The following IREB2 variants were observed in gnomAD, a reference collection of about 807,000 sequenced individuals.
The protein encoded by IREB2 is iron responsive element binding protein 2.
A neutral mutation model predicts 118.8 loss-of-function variants in IREB2; 39 were observed. The observed-to-expected ratio is 0.33, with a 90% confidence interval of 0.25 to 0.43. The LOEUF (loss-of-function observed/expected upper bound fraction) is 0.43, where lower values mean the gene tolerates loss of function less well. Among genes scored for constraint, IREB2 ranks in the 20% least tolerant of loss-of-function variants. The pLI, the probability that IREB2 is intolerant of heterozygous loss-of-function variation, is 1.00. For synonymous variants in IREB2, 372 were observed against 392.2 expected (o/e 0.95, Z 0.61); for missense variants, 900 against 1,147.3 (o/e 0.78, Z 3.11).
chr15:78,470,324 A>G (rs1436868292), intron 5 of IREB2, among the ~76,000 whole-genome samples: 2 of 152,210 alleles, frequency 1.3e-5, no homozygotes, highest in African/African-American at 2.4e-5. Context: ...GTAAAATACA[A>G]CTCACTTTTG....
chr15:78,466,405 A>C lies in IREB2; in HGVS notation c.545A>C (p.Glu182Ala). 6.2e-7 allele frequency: 1 copy of C among 1,614,160 alleles called. No homozygotes were observed. Among genetic ancestry groups the C allele is most frequent in the East Asian group, 2.2e-5 (1 of 44,882 alleles). The change falls in exon 5 of 22, where the codon GAA becomes GCA. Residue 182 changes from glutamate to alanine, a missense_variant. Transcript: ENST00000258886. ...TGCCGAGGATCTTGTGATTCTGGAG[A>C]ACTAGGCCGAAACTCAGGAACATTT... ...TTCRGSCDSG[E>A]LGRNSGTFSS...
At chr15:78,448,062 G>GA (rs1315554795) in intron 2 of IREB2, among the ~76,000 whole-genome samples, 2 of 152,194 alleles carry the variant, frequency 1.3e-5, no homozygotes, top group African/African-American at 2.4e-5. Flanking sequence ...CAGTACAGGT[G>GA]AAAAAACAAA....
chr15:78,445,974 A>G (rs1270668260), intron 2 of IREB2, among the ~76,000 whole-genome samples: 2 of 152,162 alleles, frequency 1.3e-5, no homozygotes, highest in Admixed American at 6.5e-5. Flanking sequence ...TTGTAGAGAC[A>G]GGGTCTCCCT....
chr15:78,483,019 G>A (rs914220577), intron 10 of IREB2, among the ~76,000 whole-genome samples: 13 of 152,102 alleles, frequency 8.5e-5, no homozygotes, highest in African/African-American at 3.1e-4. Context: ...GATTACAGGT[G>A]TGAGCCACCG....
chr15:78,462,805 G>A (rs2051218387), intron 2 of IREB2, 117 bp from the exon 3 acceptor site: 1 of 728,434 alleles, frequency 1.4e-6, no homozygotes, highest in Non-Finnish European at 2.2e-6. Context: ...AAAATGAATT[G>A]TTTAAATTGA....
rs2051890453 is a variant in IREB2 at position 78,498,964 on chromosome 15, T to TA, written c.*823dup. 1 of 152,232 alleles carries TA rather than the reference T, an allele frequency of 6.6e-6. No homozygotes were observed. Among genetic ancestry groups the TA allele is most frequent in the African/African-American group, 2.4e-5 (1 of 41,458 alleles). The allele number at this position is 152,232 out of a possible 1,614,324, so 9.4% of individuals were successfully genotyped here. ...TGTAATACTGTAACTTCCTATAACC[T>TA]AATATTTTCGGTATCATTAACCAAA... is the stretch of plus-strand genomic sequence containing the variant. On this transcript the variant is annotated 3_prime_UTR_variant, in exon 22 of 22. Coordinates refer to ENST00000258886, the MANE Select transcript of IREB2 (RefSeq NM_004136.4).
intron 10 of IREB2, 139 bp from the exon 11 acceptor site, chr15:78,483,179 G>T (rs1019632389): frequency 1.9e-6 from 1 of 516,100 alleles, no homozygotes. Context: ...GGGGTTGAGG[G>T]TGTATTATAC....
chr15:78,483,136 T>A (rs1156466777), intron 10 of IREB2, among the ~76,000 whole-genome samples, 182 bp from the exon 11 acceptor site: 1 of 152,214 alleles, frequency 6.6e-6, no homozygotes, highest in Non-Finnish European at 1.5e-5. Flanking sequence ...TTTCGTACAT[T>A]TAAATGTGCT....
Position 78,462,992 on chromosome 15 carries a change from G to T in IREB2, c.177G>T (p.Lys59Asn), listed in dbSNP as rs772952970. Residue 59 changes from lysine to asparagine, a missense_variant, in exon 3 of 22, where the codon AAG (lysine) becomes AAT (asparagine). Physicochemically the swap from Lys to Asn is moderately conservative, Grantham distance 94. Coordinates refer to ENST00000258886, the MANE Select transcript of IREB2 (RefSeq NM_004136.4). ...AVRNCDGFLMKKEDVMNILDW... is the reference protein window; with the variant it reads ...AVRNCDGFLMNKEDVMNILDW... ...GAAATTGTGATGGCTTTTTAATGAAGAAGGAAGATGTTATGAACATTTTAG... is the reference window on the plus strand; with the variant it reads ...GAAATTGTGATGGCTTTTTAATGAATAAGGAAGATGTTATGAACATTTTAG... 8 of 1,613,480 alleles carry T rather than the reference G, an allele frequency of 5.0e-6. No individual in the cohort carries two copies. In the South Asian group the frequency reaches 8.8e-5, roughly 18 times the overall value.
In IREB2 at chr15:78,466,406, A is replaced by G. The variant is rs570981800; in HGVS notation, c.546A>G (p.Glu182=). The G allele has an allele frequency of 6.2e-7, 1 of 1,614,206 alleles. No individual in the cohort carries two copies. Among genetic ancestry groups the G allele is most frequent in the Non-Finnish European group, 8.5e-7 (1 of 1,180,026 alleles). ...GCCGAGGATCTTGTGATTCTGGAGA[A>G]CTAGGCCGAAACTCAGGAACATTTT... ...TTCRGSCDSG[E]LGRNSGTFSS... Residue 182 remains glutamate (E), a synonymous_variant, in exon 5 of 22, where the codon GAA becomes GAG. Transcript: ENST00000258886.
At chr15:78,493,484 A>G (rs1247327447) in intron 18 of IREB2, among the ~76,000 whole-genome samples, 1 of 152,244 alleles carries the variant, frequency 6.6e-6, no homozygotes, top group Admixed American at 6.5e-5. Context: ...AGATTAAAAC[A>G]CTTGAGATCA....
intron 9 of IREB2, among the ~76,000 whole-genome samples, chr15:78,477,824 G>C (rs1031380198): frequency 6.6e-6 from 1 of 152,140 alleles, no homozygotes; most frequent in Non-Finnish European, 1.5e-5. Flanking sequence ...GAGAGGCTAA[G>C]GCGGGAGAAT....
chr15:78,496,145 T>C (rs988115022), intron 20 of IREB2, among the ~76,000 whole-genome samples: 3 of 152,252 alleles, frequency 2.0e-5, no homozygotes, highest in Non-Finnish European at 4.4e-5. Flanking sequence ...CATTTTATCA[T>C]TCTGCGGTTT....
rs199519608 is a variant in IREB2 at position 78,494,146 on chromosome 15, A to T, written c.2477A>T (p.Asp826Val). 109 of 1,613,706 alleles carry T rather than the reference A, an allele frequency of 6.8e-5. No individual in the cohort carries two copies. The East Asian group carries it at 2.2e-3, about 33-fold the overall frequency. The change falls in exon 20 of 22, where the codon GAT becomes GTT. Residue 826 changes from aspartate (D) to valine (V), a missense_variant. By Grantham distance (152) the Asp-to-Val change is radical. Coordinates refer to ENST00000258886, the MANE Select transcript of IREB2 (RefSeq NM_004136.4). ...TGTGTTTGTTTTAATCTACAGCTAG[A>T]TGTATTTGAGGCTGCAGAGCTGTAC... is the stretch of plus-strand genomic sequence containing the variant. ...TIHFPSGQTL[D>V]VFEAAELYQK...
chr15:78,493,541 C>A (rs983803829), intron 18 of IREB2, among the ~76,000 whole-genome samples: 1 of 151,836 alleles, frequency 6.6e-6, no homozygotes, highest in Non-Finnish European at 1.5e-5. Flanking sequence ...TTGAACAAAC[C>A]AACTTAGTTT....
chr15:78,468,251 C>T (rs558170394), intron 5 of IREB2, among the ~76,000 whole-genome samples: 1 of 151,538 alleles, frequency 6.6e-6, no homozygotes, highest in African/African-American at 2.4e-5. Flanking sequence ...AGTAAACTGT[C>T]TTTTTTTTTG....
At chr15:78,488,502 T>C in intron 15 of IREB2, 145 bp from the exon 16 acceptor site, 1 of 957,096 alleles carries the variant, frequency 1.0e-6, no homozygotes, top group Non-Finnish European at 1.5e-6. Context: ...AAATAAAATG[T>C]ACAGGTAATT....
rs1157305772 is a variant in IREB2 at position 78,476,211 on chromosome 15, T to C, written c.1047T>C (p.Ala349=). 3.8e-6 allele frequency: 6 copies of C among 1,597,660 alleles called. No individual in the cohort carries two copies. Among genetic ancestry groups the C allele is most frequent in the African/African-American group, 1.3e-5 (1 of 74,786 alleles). The change falls in exon 9 of 22, where the codon GCT becomes GCC. Residue 349 remains alanine (A), a synonymous_variant. Transcript: ENST00000258886. ...ITKHLRQVGV[A]GKFVEFFGSG... Reference sequence around the variant, plus strand: ...AGCACCTCAGGCAAGTAGGAGTGGCTGGAAAGTTTGTTGAGTTTTTTGGAA... The same window carrying C: ...AGCACCTCAGGCAAGTAGGAGTGGCCGGAAAGTTTGTTGAGTTTTTTGGAA...
chr15:78,488,520 C>A, intron 15 of IREB2, 127 bp from the exon 16 acceptor site: 1 of 1,030,212 alleles, frequency 9.7e-7, no homozygotes, highest in Non-Finnish European at 1.4e-6. Flanking sequence ...ATTAGTTCTT[C>A]CAGCCGCTTA....
Sources: allele counts gnomAD v4.1 joint callset (sites outside exome capture counted in the v4.1 genomes callset), GRCh38; gene constraint gnomAD v4.1.1; transcripts MANE v1.5; gene names NCBI Gene and HGNC (gene_info 2026-07-23, HGNC 2026-07-21).